EPHA6: variants seen among roughly 807,000 people sequenced by gnomAD.
EPHA6 encodes the protein EPH receptor A6.
Under a neutral mutation model 112.0 loss-of-function variants are expected in EPHA6, and 50 were observed. The observed-to-expected ratio is 0.45, with a 90% confidence interval of 0.36 to 0.56. The LOEUF (loss-of-function observed/expected upper bound fraction) is 0.56, where lower values mean the gene tolerates loss of function less well. Among genes scored for constraint, EPHA6 ranks in the 20% least tolerant of loss-of-function variants. The pLI is 0.00. For missense variants in EPHA6, 1,280 were observed against 1,417.4 expected (o/e 0.90, Z 1.56); for synonymous variants, 529 against 490.7 (o/e 1.08, Z -1.03).
At chr3:97,365,730 G>A (rs1037505059) in intron 5 of EPHA6, among the ~76,000 whole-genome samples, 3 of 151,988 alleles carry the variant, frequency 2.0e-5, no homozygotes, top group East Asian at 1.9e-4. Flanking sequence ...ATCTATTTGC[G>A]GTAAATGGAC....
At chr3:96,978,865 A>G (rs901080290) in intron 2 of EPHA6, among the ~76,000 whole-genome samples, 3 of 152,166 alleles carry the variant, frequency 2.0e-5, no homozygotes, top group African/African-American at 7.2e-5. Flanking sequence ...CTCATTCTGA[A>G]CATCTCCGCA....
Position 97,368,485 on chromosome 3 carries a change from C to T in EPHA6, c.1607-36665C>T, listed in dbSNP as rs1327753316. ...ACCATATTGCATAACTATTGATTTT[C>T]CTTATTAAAATACAAAATAGGTCAA... is the stretch of plus-strand genomic sequence containing the variant. On this transcript the variant is annotated intron_variant, in intron 5 of 17. Transcript: ENST00000389672. Among the ~76,000 whole-genome samples, 5 of 152,052 alleles carry T rather than the reference C, an allele frequency of 3.3e-5. No individual in the cohort carries two copies. In the East Asian group the frequency reaches 9.7e-4, roughly 29 times the overall value.
intron 14 of EPHA6, among the ~76,000 whole-genome samples, chr3:97,698,024 C>T (rs554382461): frequency 6.6e-5 from 10 of 152,244 alleles, no homozygotes; most frequent in East Asian, 1.9e-4. Flanking sequence ...GTTTTTGAGA[C>T]GGAGTTTCAC....
Position 96,977,453 on chromosome 3 carries a change from T to C in EPHA6, c.451-9877T>C, listed in dbSNP as rs147365974. ...TCCGGTGATGAGTACACTAAAGCCCTGACTTCACCAATATGCAATATATTA... is the reference window on the plus strand; with the variant it reads ...TCCGGTGATGAGTACACTAAAGCCCCGACTTCACCAATATGCAATATATTA... On this transcript the variant is annotated intron_variant, in intron 2 of 17. Coordinates refer to ENST00000389672, the MANE Select transcript of EPHA6 (RefSeq NM_001080448.3). 7.8e-4 allele frequency among the ~76,000 whole-genome samples: 118 copies of C among 152,256 alleles called. No homozygotes were observed. In the East Asian group the frequency reaches 0.021, roughly 27 times the overall value.
At chr3:97,640,797 A>G (rs997321533) in intron 14 of EPHA6, among the ~76,000 whole-genome samples, 5 of 151,948 alleles carry the variant, frequency 3.3e-5, no homozygotes, top group Non-Finnish European at 5.9e-5. Flanking sequence ...AAAACAAAAG[A>G]TATTATTGAA....
chr3:97,675,178 G>C (rs1021752167), intron 14 of EPHA6, among the ~76,000 whole-genome samples: 1 of 152,126 alleles, frequency 6.6e-6, no homozygotes, highest in Non-Finnish European at 1.5e-5. Flanking sequence ...AAGATTTAAA[G>C]AGTATCAGAA....
At chr3:97,551,386 A>G (rs529528417) in intron 11 of EPHA6, among the ~76,000 whole-genome samples, 1 of 152,252 alleles carries the variant, frequency 6.6e-6, no homozygotes, top group African/African-American at 2.4e-5. Flanking sequence ...TGACATTTTC[A>G]TTGGGTTATA....
chr3:96,865,694 CAAAAAAAAAAAA>C (rs57565102), intron 1 of EPHA6, among the ~76,000 whole-genome samples: 1 of 82,014 alleles, frequency 1.2e-5, no homozygotes, highest in Non-Finnish European at 2.6e-5. Context: ...AAAAAACAAA[CAAAAAAAAAAAA>C]AAAAAAAAAG....
chr3:97,723,378 T>C (rs572524917), intron 15 of EPHA6, among the ~76,000 whole-genome samples: 1 of 152,216 alleles, frequency 6.6e-6, no homozygotes, highest in Non-Finnish European at 1.5e-5. Context: ...ATTCTGGCCA[T>C]GTATATTGGT....
intron 10 of EPHA6, among the ~76,000 whole-genome samples, chr3:97,528,045 G>A (rs1235108898): frequency 6.6e-6 from 1 of 151,958 alleles, no homozygotes; most frequent in Non-Finnish European, 1.5e-5. Flanking sequence ...GGGAAGGAAA[G>A]ATATGAGAAT....
intron 10 of EPHA6, among the ~76,000 whole-genome samples, chr3:97,489,795 A>G (rs1029633565): frequency 6.6e-6 from 1 of 151,764 alleles, no homozygotes; most frequent in East Asian, 1.9e-4. Flanking sequence ...TTAAGATGAG[A>G]ATCAAAGGAA....
intron 5 of EPHA6, among the ~76,000 whole-genome samples, chr3:97,356,931 G>C (rs1029362039): frequency 6.6e-6 from 1 of 151,984 alleles, no homozygotes; most frequent in Non-Finnish European, 1.5e-5. Context: ...AATTCTATCA[G>C]TTTTTGATTT....
rs2077957278 is a variant in EPHA6 at position 97,214,027 on chromosome 3, G to GTA, written c.1115-12236_1115-12235insAT. Among the ~76,000 whole-genome samples, 3 of 143,388 alleles carry GTA rather than the reference G, an allele frequency of 2.1e-5. No individual in the cohort carries two copies. In the South Asian group the frequency reaches 6.3e-4, roughly 30 times the overall value. 94.1% of individuals were successfully genotyped at this position (143,388 alleles called of 152,430 possible). A position where few individuals can be genotyped will look rare whatever the true frequency, so the allele number is the denominator to read the frequency against. ...TGTGTGTGTGTGTGTGTGTGTGTGT[G>GTA]TGTGTGTGTGTGAGAGAGAGAGAGA... is the stretch of plus-strand genomic sequence containing the variant. On this transcript the variant is annotated intron_variant, in intron 3 of 17. Coordinates refer to ENST00000389672, the MANE Select transcript of EPHA6 (RefSeq NM_001080448.3).
intron 14 of EPHA6, among the ~76,000 whole-genome samples, chr3:97,680,171 C>T (rs1472667075): frequency 2.0e-5 from 3 of 152,144 alleles, no homozygotes; most frequent in Admixed American, 6.6e-5. Context: ...CAAATACAAA[C>T]GTAGTGGTAG....
chr3:96,982,795 T>C (rs2042852091), intron 2 of EPHA6, among the ~76,000 whole-genome samples: 1 of 152,248 alleles, frequency 6.6e-6, no homozygotes, highest in Non-Finnish European at 1.5e-5. Context: ...ATTGATCCCT[T>C]TACCATTATG....
rs2078917817 is a variant in EPHA6, at chr3:97,243,936, A to G, written c.1271-16A>G. On this transcript the variant is annotated splice_polypyrimidine_tract_variant and intron_variant, in intron 4 of 17. Coordinates refer to ENST00000389672, the MANE Select transcript of EPHA6 (RefSeq NM_001080448.3). ...TCCTATATATGTACATTTGTTTTTT[A>G]ATTGCTTTTCTCTAGGGCCACCTTC... 1 of 1,564,730 alleles carries G rather than the reference A, an allele frequency of 6.4e-7. No homozygotes were observed. The highest frequency in any genetic ancestry group is 1.4e-5 in the African/African-American group (1 of 73,388).
At position 97,644,967 on chromosome 3, in the gene EPHA6, G is replaced by C. The variant is rs921775554; in HGVS notation, c.2784+6885G>C. 2.0e-5 allele frequency among the ~76,000 whole-genome samples: 3 copies of C among 151,372 alleles called. 1 individual carries two copies. The highest frequency in any genetic ancestry group is 4.2e-4 in the South Asian group (2 of 4,808). On this transcript the variant is annotated intron_variant, in intron 14 of 17. Transcript: ENST00000389672. ...CCAGCATCATTCTGATACCAAAGCC[G>C]GGCAGAGACACAACCAAAAAAGAGA...
At chr3:96,950,349 G>T (rs2041472482) in intron 2 of EPHA6, among the ~76,000 whole-genome samples, 1 of 152,048 alleles carries the variant, frequency 6.6e-6, no homozygotes. Context: ...GACCTCTTAG[G>T]CAGAGACTGT....
intron 3 of EPHA6, among the ~76,000 whole-genome samples, chr3:97,187,751 A>AGAG (rs1202795277): frequency 2.0e-5 from 3 of 149,506 alleles, no homozygotes; most frequent in East Asian, 2.0e-4. Flanking sequence ...GAAAGAGGAA[A>AGAG]GAAAGAAAGA....
Sources: gnomAD v4.1 joint callset for allele counts (sites outside exome capture counted in the v4.1 genomes callset) on GRCh38, gnomAD v4.1.1 for gene constraint, MANE v1.5 for transcripts, NCBI Gene and HGNC (gene_info 2026-07-23, HGNC 2026-07-21) for gene names.